MANEA: variants seen among roughly 807,000 people sequenced by gnomAD.
MANEA encodes the protein mannosidase endo-alpha.
Under a neutral mutation model 36.8 loss-of-function variants are expected in MANEA, and 25 were observed. That is an observed-to-expected ratio of 0.68 (90% CI 0.50 to 0.95). The LOEUF (loss-of-function observed/expected upper bound fraction) is 0.95, where lower values mean the gene tolerates loss of function less well. Ranked by LOEUF, MANEA falls within the 40% of genes least tolerant of loss-of-function variation. The pLI is 0.00. For missense variants in MANEA, 565 were observed against 558.8 expected, an observed-to-expected ratio of 1.01 and a Z score of -0.11; for synonymous variants, 198 against 188.5, an observed-to-expected ratio of 1.05 and a Z score of -0.41.
intron 1 of MANEA, among the ~76,000 whole-genome samples, chr6:95,579,901 C>T (rs920970584): frequency 1.3e-5 from 2 of 152,150 alleles, no homozygotes; most frequent in Non-Finnish European, 2.9e-5. Flanking sequence ...TTTTCAGTAG[C>T]CAATACTTTG....
intron 2 of MANEA, among the ~76,000 whole-genome samples, chr6:95,590,554 G>T (rs1769368169): frequency 6.6e-6 from 1 of 152,128 alleles, no homozygotes; most frequent in African/African-American, 2.4e-5. Context: ...ACAATGAGAT[G>T]AATTAGACAC....
At position 95,601,424 on chromosome 6, in the gene MANEA, G is replaced by A. The variant is rs868486399; in HGVS notation, c.655-3403G>A. On this transcript the variant is annotated intron_variant, in intron 3 of 4. Coordinates refer to ENST00000358812, the MANE Select transcript of MANEA (RefSeq NM_024641.4). ...TATGGCTTGCTTTGGCTGATGAGAT[G>A]TGAGAAGAGATAATGTATACTATGT... Among the ~76,000 whole-genome samples, 104 of 152,258 alleles carry A rather than the reference G, an allele frequency of 6.8e-4. 1 individual carries two copies. The highest frequency in any genetic ancestry group is 2.3e-3 in the African/African-American group (97 of 41,534).
chr6:95,587,562 T>C (rs1174133392), intron 2 of MANEA, among the ~76,000 whole-genome samples: 1 of 152,154 alleles, frequency 6.6e-6, no homozygotes, highest in Non-Finnish European at 1.5e-5. Flanking sequence ...TGTCTTTTGC[T>C]CAGCACAATA....
At chr6:95,590,822 G>C (rs868141822) in intron 2 of MANEA, among the ~76,000 whole-genome samples, 1 of 152,132 alleles carries the variant, frequency 6.6e-6, no homozygotes, top group African/African-American at 2.4e-5. Flanking sequence ...TATTCCCTAT[G>C]TTTCCCTCCC....
chr6:95,580,498 G>T (rs1048443119), intron 1 of MANEA, among the ~76,000 whole-genome samples: 1 of 152,012 alleles, frequency 6.6e-6, no homozygotes, highest in Non-Finnish European at 1.5e-5. Context: ...GGCAGAGGCG[G>T]GTGGATCACG....
intron 3 of MANEA, among the ~76,000 whole-genome samples, chr6:95,600,198 G>C (rs1003590479): frequency 6.6e-6 from 1 of 152,162 alleles, no homozygotes; most frequent in Non-Finnish European, 1.5e-5. Context: ...CAGCATACTT[G>C]ATCTCTCTGT....
At position 95,579,372 on chromosome 6, in the gene MANEA, AAAAACAAAAC is replaced by A. The variant is rs563079905; in HGVS notation, c.-39+1749_-39+1758del. Among the ~76,000 whole-genome samples the A allele has an allele frequency of 1.6e-4, 25 of 152,298 alleles. 1 individual carries two copies. Among genetic ancestry groups the A allele is most frequent in the South Asian group, 1.4e-3 (7 of 4,832 alleles). On this transcript the variant is annotated intron_variant, in intron 1 of 4. Transcript: ENST00000358812. ...TGGCAACAGAGTGAGACTCCATCTC[AAAAACAAAAC>A]AAAACAAAACAAAAAACAGAAACTA...
intron 3 of MANEA, among the ~76,000 whole-genome samples, chr6:95,598,964 T>C (rs1769536383): frequency 6.6e-6 from 1 of 152,162 alleles, no homozygotes; most frequent in Admixed American, 6.5e-5. Flanking sequence ...TGTAGCTTTA[T>C]AAATGACTTG....
Position 95,606,046 on chromosome 6 carries a change from T to A in MANEA, c.1030T>A (p.Phe344Ile), listed in dbSNP as rs35772543. Residue 344 changes from phenylalanine to isoleucine, a missense_variant, in exon 5 of 5, where the codon TTT (phenylalanine) becomes ATT (isoleucine). Coordinates refer to ENST00000358812, the MANE Select transcript of MANEA (RefSeq NM_024641.4). Reference protein sequence around the residue: ...SHQNWASLKLFCDKYNLIFIP... With the variant: ...SHQNWASLKLICDKYNLIFIP... ...TCAGAATTGGGCTAGCCTAAAATTA[T>A]TTTGTGATAAATACAACTTAATATT... The A allele has an allele frequency of 0.076, 123,104 of 1,613,990 alleles. 5,226 individuals carry two copies. Among genetic ancestry groups the A allele is most frequent in the Non-Finnish European group, 0.083 (97,908 of 1,179,918 alleles).
At chr6:95,583,190 A>G (rs751377926) in intron 1 of MANEA, among the ~76,000 whole-genome samples, 23 of 152,164 alleles carry the variant, frequency 1.5e-4, no homozygotes, top group Non-Finnish European at 3.1e-4. Context: ...ATAGCTTTTT[A>G]TTAGAGAGGG....
Position 95,586,735 on chromosome 6 carries a change from T to A in MANEA, c.296T>A (p.Leu99Gln). 1.2e-6 allele frequency: 2 copies of A among 1,613,950 alleles called. No homozygotes were observed. Among genetic ancestry groups the A allele is most frequent in the Non-Finnish European group, 1.7e-6 (2 of 1,179,888 alleles). Residue 99 changes from leucine (L) to glutamine (Q), a missense_variant, in exon 2 of 5, where the codon CTG (leucine) becomes CAG (glutamine). Transcript: ENST00000358812. ...CTTAACTTGGATGAACTACCACCTC[T>A]GAACAATTATCTACATGTATTTTAT... ...SELNLDELPP[L>Q]NNYLHVFYYS...
At chr6:95,582,483 C>T (rs1262396504) in intron 1 of MANEA, among the ~76,000 whole-genome samples, 1 of 151,918 alleles carries the variant, frequency 6.6e-6, no homozygotes, top group African/African-American at 2.4e-5. Context: ...ACGCCCAGCC[C>T]ATCCTTTTAT....
chr6:95,583,273 G>A (rs1396943706), intron 1 of MANEA, among the ~76,000 whole-genome samples: 1 of 151,960 alleles, frequency 6.6e-6, no homozygotes, highest in Non-Finnish European at 1.5e-5. Flanking sequence ...AAAAGATTTA[G>A]TAATTAATAT....
chr6:95,583,173 C>G (rs897209051), intron 1 of MANEA, among the ~76,000 whole-genome samples: 14 of 152,168 alleles, frequency 9.2e-5, no homozygotes, highest in Admixed American at 2.0e-4. Context: ...ACTAAAAGTT[C>G]ATTTACATAG....
chr6:95,593,640 A>C (rs1769430215), intron 2 of MANEA, among the ~76,000 whole-genome samples: 1 of 152,196 alleles, frequency 6.6e-6, no homozygotes, highest in South Asian at 2.1e-4. Flanking sequence ...AATTCTTTTA[A>C]ATTTTAATTT....
chr6:95,597,101 A>G (rs987391535), intron 3 of MANEA, among the ~76,000 whole-genome samples: 1 of 151,972 alleles, frequency 6.6e-6, no homozygotes, highest in Admixed American at 6.5e-5. Flanking sequence ...TTTTGTGAAG[A>G]TAATATAGTA....
intron 1 of MANEA, among the ~76,000 whole-genome samples, chr6:95,580,724 CAAAAAAAAAAA>C (rs67844240): frequency 3.3e-5 from 2 of 59,812 alleles, no homozygotes; most frequent in Non-Finnish European, 6.5e-5. Context: ...GACGCCGTCT[CAAAAAAAAAAA>C]AAAAAAAGAA....
intron 2 of MANEA, among the ~76,000 whole-genome samples, chr6:95,596,500 T>A (rs943094122): frequency 3.9e-5 from 6 of 152,106 alleles, no homozygotes; most frequent in African/African-American, 1.4e-4. Context: ...AACCTAAAAC[T>A]TACTCTAAAA....
intron 3 of MANEA, among the ~76,000 whole-genome samples, chr6:95,602,573 AG>A (rs1165892604): frequency 6.6e-6 from 1 of 152,188 alleles, no homozygotes; most frequent in Non-Finnish European, 1.5e-5. Flanking sequence ...ACATGAAATG[AG>A]GGAATGTTTA....
Sources: allele counts gnomAD v4.1 joint callset (sites outside exome capture counted in the v4.1 genomes callset), GRCh38; gene constraint gnomAD v4.1.1; transcripts MANE v1.5; gene names NCBI Gene and HGNC (gene_info 2026-07-23, HGNC 2026-07-21).